MAF: variants seen among roughly 807,000 people sequenced by gnomAD.
The protein encoded by MAF is transcription factor Maf.
In MAF, 10 loss-of-function variants were observed where a neutral mutation model predicts 22.0. The observed-to-expected ratio is 0.45, with a 90% confidence interval of 0.28 to 0.77. The LOEUF (loss-of-function observed/expected upper bound fraction) is 0.77. MAF is among the 30% of genes least tolerant of loss of function. The probability of loss-of-function intolerance (pLI) is 0.12; values close to 1 mark genes in which losing one functional copy is unlikely to be tolerated. For synonymous variants in MAF, 337 were observed against 255.8 expected (o/e 1.32, Z -3.03); for missense variants, 544 against 548.4 (o/e 0.99, Z 0.08).
chr16:79,400,673 C>G, the MAF span, among the ~76,000 whole-genome samples: 1 of 152,258 alleles, frequency 6.6e-6, no homozygotes, highest in African/African-American at 2.4e-5. Context: ...TTCCAGACCA[C>G]TCTGCAAAGT....
At chr16:79,355,057 T>C in the MAF span, among the ~76,000 whole-genome samples, 1 of 152,198 alleles carries the variant, frequency 6.6e-6, no homozygotes, top group East Asian at 1.9e-4. Flanking sequence ...AGATTTCTTC[T>C]TCCTTGATAA....
chr16:79,597,277 G>GCTAA, intron 1 of MAF: 1 of 1,044,722 alleles, frequency 9.6e-7, no homozygotes. Flanking sequence ...TTTTAACTGG[G>GCTAA]CTAACAGATT....
At chr16:79,370,775 T>A in the MAF span, among the ~76,000 whole-genome samples, 1 of 152,174 alleles carries the variant, frequency 6.6e-6, no homozygotes, top group Non-Finnish European at 1.5e-5. Flanking sequence ...ATAACTGAAA[T>A]AAACTCCAGA....
At chr16:79,366,502 T>C in the MAF span, among the ~76,000 whole-genome samples, 3 of 152,226 alleles carry the variant, frequency 2.0e-5, no homozygotes, top group Non-Finnish European at 4.4e-5. Context: ...TTCTCTCATA[T>C]ATTTAAGATT....
the MAF span, among the ~76,000 whole-genome samples, chr16:79,528,072 G>T: frequency 3.9e-5 from 6 of 152,200 alleles, no homozygotes; most frequent in Non-Finnish European, 1.5e-5. Flanking sequence ...AACCTGGGAG[G>T]TGGAGGTTGC....
At chr16:79,230,422 T>A in the MAF span, among the ~76,000 whole-genome samples, 2 of 152,306 alleles carry the variant, frequency 1.3e-5, no homozygotes, top group African/African-American at 4.8e-5. Context: ...AGACCTCAGA[T>A]AAACGAAGCC....
the MAF span, among the ~76,000 whole-genome samples, chr16:79,249,762 C>T: frequency 3.9e-5 from 6 of 151,908 alleles, no homozygotes; most frequent in Non-Finnish European, 5.9e-5. Flanking sequence ...CCCTTCCTCC[C>T]TTCCTCTCTT....
the MAF span, among the ~76,000 whole-genome samples, chr16:79,424,309 G>C: frequency 7.8e-4 from 119 of 152,308 alleles, no homozygotes; most frequent in African/African-American, 2.8e-3. Flanking sequence ...TGACATGGTA[G>C]AGTCCACAGA....
At chr16:79,488,629 C>A in the MAF span, among the ~76,000 whole-genome samples, 1 of 152,044 alleles carries the variant, frequency 6.6e-6, no homozygotes, top group Non-Finnish European at 1.5e-5. Flanking sequence ...AATATTATTA[C>A]CATTATTAGA....
the MAF span, chr16:79,203,053 A>T: frequency 6.6e-6 from 1 of 152,224 alleles, no homozygotes; most frequent in Admixed American, 6.5e-5. Flanking sequence ...CCGAGGCAGA[A>T]TTATTTACCC....
At chr16:79,266,045 TTTTTC>T in the MAF span, among the ~76,000 whole-genome samples, 4 of 152,158 alleles carry the variant, frequency 2.6e-5, no homozygotes, top group Admixed American at 1.3e-4. Context: ...TTTCTTTTTC[TTTTTC>T]TTTTATTTCT....
At chr16:79,416,038 C>A in the MAF span, among the ~76,000 whole-genome samples, 7 of 152,090 alleles carry the variant, frequency 4.6e-5, no homozygotes, top group African/African-American at 1.7e-4. Context: ...TGGTTGCGCC[C>A]GAGCACAGCA....
the MAF span, among the ~76,000 whole-genome samples, chr16:79,255,639 T>G: frequency 6.6e-6 from 1 of 152,216 alleles, no homozygotes; most frequent in Non-Finnish European, 1.5e-5. Context: ...TCTTGGTCTG[T>G]GGAAAGCATT....
the MAF span, among the ~76,000 whole-genome samples, chr16:79,276,187 G>A: frequency 1.5e-4 from 23 of 151,796 alleles, no homozygotes; most frequent in African/African-American, 5.6e-4. Context: ...AAGAAAACAG[G>A]CCACAGACTC....
the MAF span, among the ~76,000 whole-genome samples, chr16:79,304,345 G>A: frequency 2.6e-5 from 4 of 152,160 alleles, no homozygotes; most frequent in Non-Finnish European, 5.9e-5. Flanking sequence ...TATACCGCTT[G>A]GACACTGGGT....
At chr16:79,578,386 C>G in the MAF span, among the ~76,000 whole-genome samples, 1 of 152,098 alleles carries the variant, frequency 6.6e-6, no homozygotes, top group African/African-American at 2.4e-5. Flanking sequence ...GCCCAGGACT[C>G]AGGTGCATGC....
chr16:79,299,261 G>A, the MAF span, among the ~76,000 whole-genome samples: 2 of 151,182 alleles, frequency 1.3e-5, no homozygotes, highest in Non-Finnish European at 2.9e-5. Context: ...TCCCAGGAAC[G>A]CCTAGCTCAC....
At chr16:79,526,153 G>A in the MAF span, among the ~76,000 whole-genome samples, 1 of 152,192 alleles carries the variant, frequency 6.6e-6, no homozygotes, top group South Asian at 2.1e-4. Flanking sequence ...TCTGAGAAAT[G>A]GCGTTAGACC....
the MAF span, among the ~76,000 whole-genome samples, chr16:79,563,681 G>C: frequency 6.6e-6 from 1 of 150,950 alleles, no homozygotes; most frequent in Non-Finnish European, 1.5e-5. Context: ...TTAAAATGTG[G>C]CTTACATTAT....
Sources: gnomAD v4.1 joint callset for allele counts (sites outside exome capture counted in the v4.1 genomes callset) on GRCh38, gnomAD v4.1.1 for gene constraint, MANE v1.5 for transcripts, NCBI Gene and HGNC (gene_info 2026-07-23, HGNC 2026-07-21) for gene names.